Variants in SLTM observed in about 807,000 individuals in gnomAD.
SLTM encodes the protein SAFB-like transcription modulator.
A neutral mutation model predicts 134.6 loss-of-function variants in SLTM; 43 were observed. The observed-to-expected ratio is 0.32, with a 90% CI of 0.25 to 0.41. The LOEUF (loss-of-function observed/expected upper bound fraction) is 0.41, where lower values mean the gene tolerates loss of function less well. Among genes scored for constraint, SLTM ranks in the 10% least tolerant of loss-of-function variants. The probability of loss-of-function intolerance (pLI) is 1.00; values close to 1 mark genes in which losing one functional copy is unlikely to be tolerated. For synonymous variants in SLTM, 424 were observed against 432.3 expected (o/e 0.98, Z 0.24); for missense variants, 1,055 against 1,288.8 (o/e 0.82, Z 2.78).
rs750699878 is a variant in SLTM at position 58,894,111 on chromosome 15, T to C, written c.1460A>G (p.Asn487Ser). 2 of 1,586,092 alleles carry C rather than the reference T, an allele frequency of 1.3e-6. No individual in the cohort carries two copies. The highest frequency in any genetic ancestry group is 2.3e-5 in the South Asian group (2 of 88,314). The stretch of plus-strand genomic sequence containing the variant: ...TTACTTGCTACTTCTATCACTCGTA[T>C]TTTTTTTATCTCCAGAACTTCTTGA... ...SSSRSSGDKK[N>S]TSDRSSKTQA... Residue 487 changes from asparagine to serine, a missense_variant, in exon 11 of 21, where the codon AAT (asparagine) becomes AGT (serine). Around this residue, in one of 3 missense-constraint regions of SLTM, gnomAD observed 776 missense variants for 962.2 expected, o/e 0.81. Coordinates refer to ENST00000380516, the MANE Select transcript of SLTM (RefSeq NM_024755.4).
rs749747450 is a variant in SLTM, at chr15:58,932,461, G to A, written c.163-18C>T. ...TCAATAGCCTACATTAGAAAGAGAA[G>A]TTAATATGCTACACAATCTATCTAA... On this transcript the variant is annotated intron_variant, in intron 1 of 20. Coordinates refer to ENST00000380516, the MANE Select transcript of SLTM (RefSeq NM_024755.4). 4 of 1,514,140 alleles carry A rather than the reference G, an allele frequency of 2.6e-6. No homozygotes were observed. The highest frequency in any genetic ancestry group is 1.7e-5 in the Admixed American group (1 of 59,862). 93.8% of individuals were successfully genotyped at this position (1,514,140 alleles called of 1,614,324 possible). A position where few individuals can be genotyped will look rare whatever the true frequency, so the allele number is the denominator to read the frequency against.
In SLTM at chr15:58,887,249, C is replaced by T; in HGVS notation, c.2667G>A (p.Met889Ile). 3 of 1,614,036 alleles carry T rather than the reference C, an allele frequency of 1.9e-6. No homozygotes were observed. Among genetic ancestry groups the T allele is most frequent in the Non-Finnish European group, 2.5e-6 (3 of 1,179,920 alleles). The change falls in exon 18 of 21, where the codon ATG (methionine) becomes ATA (isoleucine). Residue 889 changes from methionine (M) to isoleucine (I), a missense_variant. Met to Ile is a conservative substitution (Grantham distance 10). This residue lies in a region of SLTM where 776 missense variants were observed against 962.2 expected (regional missense o/e 0.81). Transcript: ENST00000380516. ...RPTSWKSEGS[M>I]STDKRETRVE... The stretch of plus-strand genomic sequence containing the variant: ...ACCTTGTTTCCCGTTTGTCAGTGGA[C>T]ATGCTTCCTTCACTTTTCCAGCTGG...
chr15:58,887,129 A>G lies in SLTM; in HGVS notation c.2691-10T>C, dbSNP rs376034178. 1 of 1,613,884 alleles carries G rather than the reference A, an allele frequency of 6.2e-7. No homozygotes were observed. Among genetic ancestry groups the G allele is most frequent in the Non-Finnish European group, 8.5e-7 (1 of 1,179,874 alleles). ...TTCTGGCCTTTCAACTCTGTTAAAC[A>G]AAACATAAAAACATACATGATCAAA... On this transcript the variant is annotated splice_polypyrimidine_tract_variant and intron_variant, in intron 18 of 20. Coordinates refer to ENST00000380516, the MANE Select transcript of SLTM (RefSeq NM_024755.4).
At position 58,899,588 on chromosome 15, in the gene SLTM, C is replaced by A; in HGVS notation, c.939G>T (p.Lys313Asn). The A allele has an allele frequency of 6.2e-7, 1 of 1,614,158 alleles. No individual in the cohort carries two copies. ...HKDGKKEDCVKGDPVEKEARE... is the reference protein window; with the variant it reads ...HKDGKKEDCVNGDPVEKEARE... Reference sequence around the variant, plus strand: ...TGGCTTCCTTCTCGACAGGGTCACCCTTCACGCAGTCTTCCTTCTTACCAT... The same window carrying A: ...TGGCTTCCTTCTCGACAGGGTCACCATTCACGCAGTCTTCCTTCTTACCAT... The change falls in exon 7 of 21, where the codon AAG (lysine) becomes AAT (asparagine). Residue 313 changes from lysine (K) to asparagine (N), a missense_variant. This residue lies in a region of SLTM where 776 missense variants were observed against 962.2 expected (regional missense o/e 0.81). Coordinates refer to ENST00000380516, the MANE Select transcript of SLTM (RefSeq NM_024755.4). The surrounding 1 kb of genome is among the most constrained non-coding windows in gnomAD (Gnocchi z 5.0).
chr15:58,913,847 T>A (rs1001209647), intron 3 of SLTM, 151 bp from the exon 4 acceptor site: 2 of 592,946 alleles, frequency 3.4e-6, no homozygotes, highest in Non-Finnish European at 5.8e-6. Flanking sequence ...ATATATTTAC[T>A]GTGTCTTTAA....
At chr15:58,930,738 T>C (rs571528633) in intron 2 of SLTM, among the ~76,000 whole-genome samples, 217 of 148,328 alleles carry the variant, frequency 1.5e-3, no homozygotes, top group African/African-American at 5.0e-3. Flanking sequence ...ATATATGATA[T>C]ATATACACCT....
intron 19 of SLTM, among the ~76,000 whole-genome samples, 180 bp from the exon 20 acceptor site, chr15:58,883,966 C>A (rs1456602835): frequency 1.3e-5 from 2 of 151,718 alleles, no homozygotes; most frequent in African/African-American, 4.8e-5. Flanking sequence ...AGGCATGGTA[C>A]CCCACACCTA....
chr15:58,899,332 G>A lies in SLTM; in HGVS notation c.1058+137C>T. On this transcript the variant is annotated intron_variant, in intron 7 of 20. Coordinates refer to ENST00000380516, the MANE Select transcript of SLTM (RefSeq NM_024755.4). This position sits in a 1 kb window ranked among gnomAD's most constrained non-coding sequence, Gnocchi z 5.0. ...TTGAAAATTTTTAAAAGTAACTTAT[G>A]ACGGTCAAAAATATTATAGGCAGGA... 1.4e-6 allele frequency: 1 copy of A among 707,820 alleles called. No homozygotes were observed. The highest frequency in any genetic ancestry group is 1.8e-5 in the African/African-American group (1 of 56,366). The allele number at this position is 707,820 out of a possible 1,614,324, so 43.8% of individuals were successfully genotyped here. A position where few individuals can be genotyped will look rare whatever the true frequency, so the allele number is the denominator to read the frequency against.
In SLTM at chr15:58,933,400, T is replaced by A; in HGVS notation, c.162+4A>T. On this transcript the variant is annotated splice_donor_region_variant and intron_variant, in intron 1 of 20. Transcript: ENST00000380516. ...GGTCCTTTCCGGTCCTCGCCGGGCCTCACCTGCTTGAGTCGGGAGATGAGC... is the reference window on the plus strand; with the variant it reads ...GGTCCTTTCCGGTCCTCGCCGGGCCACACCTGCTTGAGTCGGGAGATGAGC... The A allele has an allele frequency of 6.3e-7, 1 of 1,576,388 alleles. No individual in the cohort carries two copies. The highest frequency in any genetic ancestry group is 8.6e-7 in the Non-Finnish European group (1 of 1,161,484).
chr15:58,904,960 C>T (rs1387605408), intron 5 of SLTM, among the ~76,000 whole-genome samples: 7 of 152,136 alleles, frequency 4.6e-5, no homozygotes, highest in African/African-American at 7.2e-5. Context: ...CCGCCTGCCT[C>T]GGCCTCCCAA....
intron 2 of SLTM, chr15:58,921,673 C>T (rs2037056524): frequency 3.3e-6 from 1 of 300,866 alleles, no homozygotes; most frequent in East Asian, 1.0e-4. Context: ...AAAATGAAAT[C>T]TCACATTAGC....
At chr15:58,920,541 T>C (rs1412704815) in intron 2 of SLTM, among the ~76,000 whole-genome samples, 1 of 151,714 alleles carries the variant, frequency 6.6e-6, no homozygotes, top group Non-Finnish European at 1.5e-5. Flanking sequence ...GAGAATCACC[T>C]GAACCCGGGA....
intron 14 of SLTM, among the ~76,000 whole-genome samples, chr15:58,891,211 C>T (rs963155346): frequency 1.3e-5 from 2 of 152,092 alleles, no homozygotes; most frequent in Admixed American, 6.5e-5. Context: ...TCACAATGAC[C>T]ATGGGGCAGA....
intron 20 of SLTM, among the ~76,000 whole-genome samples, chr15:58,881,789 G>A (rs2033732756): frequency 6.6e-6 from 1 of 152,102 alleles, no homozygotes; most frequent in South Asian, 2.1e-4. Flanking sequence ...TAGAGACAGG[G>A]TTTTACCATG....
At chr15:58,932,288 G>A in intron 2 of SLTM, 68 bp downstream of exon 2, 1 of 1,125,008 alleles carries the variant, frequency 8.9e-7, no homozygotes, top group Non-Finnish European at 1.4e-6. Flanking sequence ...CAGGGCAAGA[G>A]GCACAAGAGC....
chr15:58,933,128 C>T (rs1371690190), intron 1 of SLTM, among the ~76,000 whole-genome samples: 6 of 152,018 alleles, frequency 3.9e-5, no homozygotes, highest in Non-Finnish European at 8.8e-5. Context: ...CGGCCGCAAC[C>T]CTCGCAGCCT....
intron 19 of SLTM, among the ~76,000 whole-genome samples, chr15:58,886,218 AGTGTGTGTGTGTGTGTGTGTGTGT>A (rs60261686): frequency 1.4e-4 from 17 of 124,472 alleles, no homozygotes; most frequent in African/African-American, 3.3e-4. Context: ...GAAAAAGAAG[AGTGTGTGTGTGTGTGTGTGTGTGT>A]GTGTGTGTGT....
intron 3 of SLTM, among the ~76,000 whole-genome samples, chr15:58,914,047 C>T (rs2036462854): frequency 6.6e-6 from 1 of 152,190 alleles, no homozygotes; most frequent in Non-Finnish European, 1.5e-5. Context: ...GTTGATTTAA[C>T]TTCAAAGACT....
chr15:58,929,684 T>C (rs1319346305), intron 2 of SLTM, among the ~76,000 whole-genome samples: 3 of 152,164 alleles, frequency 2.0e-5, no homozygotes, highest in African/African-American at 4.8e-5. Context: ...CCTTGGCCTT[T>C]TGGGATTATA....
Sources: gnomAD v4.1 joint callset for allele counts (sites outside exome capture counted in the v4.1 genomes callset) on GRCh38, gnomAD v4.1.1 for gene constraint, gnomAD v4.1.1 regional missense constraint, Gnocchi (gnomAD v3.1) non-coding constraint, MANE v1.5 for transcripts, NCBI Gene and HGNC (gene_info 2026-07-23, HGNC 2026-07-21) for gene names.